ETS1: variants seen among roughly 807,000 people sequenced by gnomAD.
ETS1 encodes the protein protein C-ets-1.
In ETS1, 15 loss-of-function variants were observed where a neutral mutation model predicts 58.6. That is an observed-to-expected ratio of 0.26 (90% confidence interval 0.17 to 0.39). The LOEUF is 0.39. Among genes scored for constraint, ETS1 ranks in the 10% least tolerant of loss-of-function variants. The pLI, the probability that ETS1 is intolerant of heterozygous loss-of-function variation, is 1.00. For synonymous variants in ETS1, 214 were observed against 218.2 expected (o/e 0.98, Z 0.17); for missense variants, 417 against 610.5 (o/e 0.68, Z 3.34).
chr11:128,519,933 A>G (rs1468310134), intron 3 of ETS1, among the ~76,000 whole-genome samples: 2 of 152,232 alleles, frequency 1.3e-5, no homozygotes, highest in African/African-American at 2.4e-5. Context: ...CCAAGATAAT[A>G]AATAATGGTG....
chr11:128,488,990 ACC>A (rs1565377574), intron 5 of ETS1, among the ~76,000 whole-genome samples: 2 of 152,218 alleles, frequency 1.3e-5, no homozygotes, highest in African/African-American at 2.4e-5. Context: ...TGCTTGTTCA[ACC>A]AGGGCATGGG....
At chr11:128,564,656 C>A (rs1185662216) in intron 2 of ETS1, among the ~76,000 whole-genome samples, 1 of 152,184 alleles carries the variant, frequency 6.6e-6, no homozygotes, top group South Asian at 2.1e-4. Flanking sequence ...TTGACACTCT[C>A]TTGCTGAGAG....
chr11:128,490,607 A>C, intron 3 of ETS1, 31 bp from the exon 4 acceptor site: 1 of 1,575,826 alleles, frequency 6.3e-7, no homozygotes, highest in Non-Finnish European at 8.7e-7. Context: ...TGAATAACAA[A>C]AATTACATAG....
At chr11:128,492,438 A>G (rs11221328) in intron 3 of ETS1, among the ~76,000 whole-genome samples, 33,056 of 152,146 alleles carry the variant, frequency 0.22, 4,016 homozygotes, top group Admixed American at 0.32. Flanking sequence ...GCCCTGGAAG[A>G]ACAGAAGGGC....
chr11:128,543,986 T>C (rs935918040), intron 3 of ETS1, among the ~76,000 whole-genome samples: 1 of 152,150 alleles, frequency 6.6e-6, no homozygotes, highest in Non-Finnish European at 1.5e-5. Context: ...ACACTTGTAT[T>C]TAATCTTAAT....
chr11:128,553,710 T>C (rs1288917543), intron 3 of ETS1, among the ~76,000 whole-genome samples: 1 of 151,686 alleles, frequency 6.6e-6, no homozygotes, highest in Non-Finnish European at 1.5e-5. Context: ...CTCCTCCTCC[T>C]CCTCAGCCTC....
chr11:128,558,890 G>T lies in ETS1; in HGVS notation c.70-2455C>A, dbSNP rs10893886. The stretch of plus-strand genomic sequence containing the variant: ...CCTAGTCTTATAAATCAAGCCTTGT[G>T]CTCTCAATATCATCCTCATCTTTTT... On this transcript the variant is annotated intron_variant, in intron 2 of 9. Coordinates refer to ENST00000392668, the MANE Select transcript of ETS1 (RefSeq NM_001143820.2). 9.8e-3 allele frequency among the ~76,000 whole-genome samples: 1,491 copies of T among 152,192 alleles called. 10 individuals are homozygous for T. The highest frequency in any genetic ancestry group is 0.031 in the Middle Eastern group (9 of 294).
At chr11:128,564,485 G>A (rs1161896472) in intron 2 of ETS1, among the ~76,000 whole-genome samples, 3 of 152,044 alleles carry the variant, frequency 2.0e-5, no homozygotes, top group Non-Finnish European at 4.4e-5. Flanking sequence ...GGGACCCCCT[G>A]GGGAAGCACA....
chr11:128,464,002 G>C lies in ETS1; in HGVS notation c.1124-375C>G, dbSNP rs577544964. The C allele has an allele frequency of 7.7e-4, 126 of 164,002 alleles. No individual in the cohort carries two copies. Among genetic ancestry groups the C allele is most frequent in the Non-Finnish European group, 5.8e-4 (44 of 75,336 alleles). 10.2% of individuals were successfully genotyped at this position (164,002 alleles called of 1,614,324 possible). A position where few individuals can be genotyped will look rare whatever the true frequency, so the allele number is the denominator to read the frequency against. On this transcript the variant is annotated intron_variant, in intron 8 of 9. Coordinates refer to ENST00000392668, the MANE Select transcript of ETS1 (RefSeq NM_001143820.2). The surrounding 1 kb of genome is among the most constrained non-coding windows in gnomAD (Gnocchi z 4.1). ...TAAGTCATTATTTTTGCCTTCAGAA[G>C]TAAGAAACATATTAACGAAGGAATG...
intron 3 of ETS1, among the ~76,000 whole-genome samples, chr11:128,495,523 AC>A (rs1297193148): frequency 6.6e-6 from 1 of 152,164 alleles, no homozygotes; most frequent in Non-Finnish European, 1.5e-5. Flanking sequence ...TTAAGTGAAA[AC>A]CTGGCTTCCT....
chr11:128,521,902 T>C, intron 3 of ETS1: 1 of 1,590,632 alleles, frequency 6.3e-7, no homozygotes, highest in Non-Finnish European at 8.6e-7. Context: ...GCCTCGGCCG[T>C]CGCCACTCAC....
chr11:128,525,833 C>T (rs983244422), intron 3 of ETS1, among the ~76,000 whole-genome samples: 1 of 152,120 alleles, frequency 6.6e-6, no homozygotes, highest in Non-Finnish European at 1.5e-5. Flanking sequence ...TCAATATCTA[C>T]ATTATCAAGC....
At position 128,550,500 on chromosome 11, in the gene ETS1, T is replaced by G. The variant is rs192001755; in HGVS notation, c.214+5791A>C. On this transcript the variant is annotated intron_variant, in intron 3 of 9. Transcript: ENST00000392668. Reference sequence around the variant, plus strand: ...CGGGAGATATTAGGCATGTGGACTCTCCCTAGCGGACTGCTTGGGCTAGGC... The same window carrying G: ...CGGGAGATATTAGGCATGTGGACTCGCCCTAGCGGACTGCTTGGGCTAGGC... Among the ~76,000 whole-genome samples the G allele has an allele frequency of 2.7e-3, 416 of 152,276 alleles. 3 individuals are homozygous for G. The highest frequency in any genetic ancestry group is 9.6e-3 in the African/African-American group (397 of 41,560).
intron 9 of ETS1, among the ~76,000 whole-genome samples, chr11:128,462,952 G>A (rs1290168814): frequency 4.6e-5 from 7 of 152,196 alleles, no homozygotes; most frequent in African/African-American, 1.4e-4. Flanking sequence ...AGTGTGAAGC[G>A]GAGGAGCTGA....
rs117433936 is a variant in ETS1, at chr11:128,555,462, A to C, written c.214+829T>G. Among the ~76,000 whole-genome samples the C allele has an allele frequency of 7.2e-5, 11 of 152,334 alleles. No individual in the cohort carries two copies. The East Asian group carries it at 2.1e-3, about 29-fold the overall frequency. ...GTAAGAGTAATGACATTTTTATGCT[A>C]AGAATTCATCCTGGGAGAAAACACA... On this transcript the variant is annotated intron_variant, in intron 3 of 9. Transcript: ENST00000392668.
At chr11:128,465,178 C>T (rs549290833) in intron 8 of ETS1, among the ~76,000 whole-genome samples, 7 of 152,308 alleles carry the variant, frequency 4.6e-5, no homozygotes, top group East Asian at 3.9e-4. Context: ...GCACTTGCCA[C>T]GCTAAATATG....
chr11:128,541,231 A>G (rs1864053764), intron 3 of ETS1, among the ~76,000 whole-genome samples: 1 of 152,182 alleles, frequency 6.6e-6, no homozygotes, highest in Non-Finnish European at 1.5e-5. Context: ...ATGAGACTGA[A>G]CCACACTTCA....
chr11:128,497,060 T>C (rs1041249989), intron 3 of ETS1, among the ~76,000 whole-genome samples: 4 of 152,212 alleles, frequency 2.6e-5, no homozygotes, highest in African/African-American at 7.2e-5. Context: ...GAGACTCATA[T>C]GAGTTAGGAA....
chr11:128,496,413 CAAAT>C (rs1393476823), intron 3 of ETS1, among the ~76,000 whole-genome samples: 6 of 152,000 alleles, frequency 3.9e-5, no homozygotes, highest in Non-Finnish European at 7.4e-5. Context: ...GTGTACAAAA[CAAAT>C]AAAAAGGCTC....
Sources: allele counts gnomAD v4.1 joint callset (sites outside exome capture counted in the v4.1 genomes callset), GRCh38; gene constraint gnomAD v4.1.1; non-coding constraint Gnocchi (gnomAD v3.1); transcripts MANE v1.5; gene names NCBI Gene and HGNC (gene_info 2026-07-23, HGNC 2026-07-21).